ABLIM3: variants seen among roughly 807,000 people sequenced by gnomAD.
ABLIM3 encodes the protein actin-binding LIM protein 3.
A neutral mutation model predicts 109.5 loss-of-function variants in ABLIM3; 61 were observed. That is an observed-to-expected ratio of 0.56 (90% CI 0.45 to 0.69). The LOEUF (loss-of-function observed/expected upper bound fraction) is 0.69, where lower values mean the gene tolerates loss of function less well. Among genes scored for constraint, ABLIM3 ranks in the 30% least tolerant of loss-of-function variants. ABLIM3 has a pLI of 0.00. For missense variants in ABLIM3, 796 were observed against 889.5 expected (o/e 0.89, Z 1.34); for synonymous variants, 300 against 324.8 (o/e 0.92, Z 0.82).
At chr5:149,217,498 C>A (rs1760213640) in intron 8 of ABLIM3, 2 of 173,176 alleles carry the variant, frequency 1.2e-5, no homozygotes, top group Non-Finnish European at 2.5e-5. Context: ...CCCAGGGACT[C>A]TCAGAACACA....
intron 5 of ABLIM3, among the ~76,000 whole-genome samples, chr5:149,202,105 T>A (rs927319239): frequency 2.0e-5 from 3 of 152,220 alleles, no homozygotes; most frequent in Non-Finnish European, 1.5e-5. Context: ...AGAATGAGAC[T>A]CCTGGGTCGG....
chr5:149,197,957 C>G (rs148595706), intron 3 of ABLIM3, among the ~76,000 whole-genome samples: 4 of 152,160 alleles, frequency 2.6e-5, no homozygotes, highest in African/African-American at 7.2e-5. Flanking sequence ...AAGAAGCTCT[C>G]GGGGTGATAC....
intron 2 of ABLIM3, among the ~76,000 whole-genome samples, chr5:149,145,434 A>C (rs1314926600): frequency 1.3e-5 from 2 of 152,168 alleles, no homozygotes; most frequent in South Asian, 4.1e-4. Context: ...ATTATTGTGA[A>C]TAGTGCTGCA....
chr5:149,169,928 T>C (rs1269327432), intron 2 of ABLIM3, among the ~76,000 whole-genome samples: 13 of 152,212 alleles, frequency 8.5e-5, no homozygotes, highest in Admixed American at 7.9e-4. Context: ...AGGACATAAA[T>C]TAGTTTATTC....
At chr5:149,183,844 A>G (rs1281581364) in intron 3 of ABLIM3, among the ~76,000 whole-genome samples, 1 of 152,210 alleles carries the variant, frequency 6.6e-6, no homozygotes, top group Non-Finnish European at 1.5e-5. Flanking sequence ...ACTAATCTGC[A>G]AGTTTAACTT....
chr5:149,195,153 A>G (rs186576134), intron 3 of ABLIM3, among the ~76,000 whole-genome samples: 152 of 152,280 alleles, frequency 1.0e-3, no homozygotes, highest in African/African-American at 3.4e-3. Context: ...CAGCCCCTTC[A>G]TCTTACAAAT....
chr5:149,230,868 A>G (rs574178394), intron 9 of ABLIM3, among the ~76,000 whole-genome samples, 161 bp downstream of exon 9: 26 of 152,230 alleles, frequency 1.7e-4, no homozygotes, highest in African/African-American at 5.5e-4. Context: ...CACCTGCCCC[A>G]TGGGGTTTTT....
intron 7 of ABLIM3, among the ~76,000 whole-genome samples, chr5:149,212,330 G>C (rs1334540242): frequency 6.6e-6 from 1 of 152,112 alleles, no homozygotes; most frequent in Non-Finnish European, 1.5e-5. Context: ...GGGTTGTTGG[G>C]GGTGGGTTTC....
intron 23 of ABLIM3, among the ~76,000 whole-genome samples, chr5:149,253,051 T>C (rs1047319702): frequency 1.3e-5 from 2 of 151,682 alleles, no homozygotes; most frequent in African/African-American, 4.8e-5. Context: ...AACTGCCCCA[T>C]GCTGTTCCCC....
At chr5:149,224,782 A>C (rs929840380) in intron 8 of ABLIM3, among the ~76,000 whole-genome samples, 5 of 152,202 alleles carry the variant, frequency 3.3e-5, no homozygotes, top group Non-Finnish European at 7.3e-5. Flanking sequence ...TTAACTCATT[A>C]ATCCTCAAAC....
At chr5:149,255,758 G>T (rs1030036501) in intron 23 of ABLIM3, among the ~76,000 whole-genome samples, 3 of 152,230 alleles carry the variant, frequency 2.0e-5, no homozygotes, top group Admixed American at 2.0e-4. Context: ...GCACAACAAA[G>T]ATGAGGAGGA....
Position 149,258,270 on chromosome 5 carries a change from C to T in ABLIM3, c.1939-21C>T, listed in dbSNP as rs201649432. The T allele has an allele frequency of 1.3e-3, 2,064 of 1,609,634 alleles. 41 individuals are homozygous for T. In the South Asian group the frequency reaches 0.02, roughly 16 times the overall value. On this transcript the variant is annotated intron_variant, in intron 23 of 23. Coordinates refer to ENST00000309868, the MANE Select transcript of ABLIM3 (RefSeq NM_014945.5). Reference sequence around the variant, plus strand: ...CTCTCTTTCTCTGTCCCCCCACCCCCGCCTGCCCTGCCTCCTTCAGCGCCA... The same window carrying T: ...CTCTCTTTCTCTGTCCCCCCACCCCTGCCTGCCCTGCCTCCTTCAGCGCCA...
rs914404422 is a variant in ABLIM3, at chr5:149,258,636, T to C, written c.*232T>C. 1.4e-5 allele frequency: 17 copies of C among 1,256,356 alleles called. No homozygotes were observed. The highest frequency in any genetic ancestry group is 3.9e-5 in the Admixed American group (1 of 25,624). 77.8% of individuals were successfully genotyped at this position (1,256,356 alleles called of 1,614,324 possible). On this transcript the variant is annotated 3_prime_UTR_variant, in exon 24 of 24. Coordinates refer to ENST00000309868, the MANE Select transcript of ABLIM3 (RefSeq NM_014945.5). Reference sequence around the variant, plus strand: ...GATTTGAGGGGACTCTGTCCTTTTATTGGGGATCCTTTTTATACTGAAACA... The same window carrying C: ...GATTTGAGGGGACTCTGTCCTTTTACTGGGGATCCTTTTTATACTGAAACA...
At chr5:149,244,097 C>T (rs1753116696) in intron 15 of ABLIM3, 1 of 152,680 alleles carries the variant, frequency 6.5e-6, no homozygotes, top group African/African-American at 2.4e-5. Context: ...CACACTTCCC[C>T]AGCCCCTCTC....
chr5:149,239,664 C>T, intron 12 of ABLIM3, 95 bp from the exon 13 acceptor site: 13 of 1,487,480 alleles, frequency 8.7e-6, no homozygotes, highest in Non-Finnish European at 1.2e-5. Context: ...CCCGAGAATC[C>T]CAGATTCCAT....
chr5:149,166,593 G>A (rs1754859244), intron 2 of ABLIM3, among the ~76,000 whole-genome samples: 1 of 152,192 alleles, frequency 6.6e-6, no homozygotes, highest in African/African-American at 2.4e-5. Flanking sequence ...ATGGAAGTAT[G>A]TTCTTTCCCA....
chr5:149,193,320 T>G (rs947501928), intron 3 of ABLIM3, among the ~76,000 whole-genome samples: 1 of 151,838 alleles, frequency 6.6e-6, no homozygotes, highest in Non-Finnish European at 1.5e-5. Flanking sequence ...TAGAAAAAAA[T>G]TGCATTTGTA....
At chr5:149,144,953 A>C (rs1205274821) in intron 2 of ABLIM3, among the ~76,000 whole-genome samples, 2 of 152,244 alleles carry the variant, frequency 1.3e-5, no homozygotes, top group East Asian at 3.8e-4. Context: ...CAGTGTAGGC[A>C]GGTTTCAAAT....
chr5:149,184,745 C>T (rs1756788338), intron 3 of ABLIM3, among the ~76,000 whole-genome samples: 1 of 152,172 alleles, frequency 6.6e-6, no homozygotes, highest in Admixed American at 6.5e-5. Flanking sequence ...TTGAAACCCG[C>T]GGTTCTTTTT....
Sources: allele counts gnomAD v4.1 joint callset (sites outside exome capture counted in the v4.1 genomes callset), GRCh38; gene constraint gnomAD v4.1.1; transcripts MANE v1.5; gene names NCBI Gene and HGNC (gene_info 2026-07-23, HGNC 2026-07-21).